Variants in ZNF827 observed in about 807,000 individuals in gnomAD.
ZNF827 encodes the protein zinc finger protein 827.
In ZNF827, 13 loss-of-function variants were observed where a neutral mutation model predicts 102.4. That is an observed-to-expected ratio of 0.13 (90% CI 0.08 to 0.20). The LOEUF is 0.20. Ranked by LOEUF, ZNF827 falls within the 10% of genes least tolerant of loss-of-function variation. ZNF827 has a pLI of 1.00. For synonymous variants in ZNF827, 523 were observed against 536.2 expected (o/e 0.98, Z 0.34); for missense variants, 1,103 against 1,344.4 (o/e 0.82, Z 2.81).
rs1459515380 is a variant in ZNF827, at chr4:145,765,255, G to A, written c.3053-90C>T. 36 of 1,376,998 alleles carry A rather than the reference G, an allele frequency of 2.6e-5. No individual in the cohort carries two copies. The highest frequency in any genetic ancestry group is 7.7e-5 in the Admixed American group (3 of 38,844). The allele number at this position is 1,376,998 out of a possible 1,614,324, so 85.3% of individuals were successfully genotyped here. On this transcript the variant is annotated intron_variant, in intron 12 of 14. Coordinates refer to ENST00000508784, the MANE Select transcript of ZNF827 (RefSeq NM_001306215.2). This position sits in a 1 kb window ranked among gnomAD's most constrained non-coding sequence, Gnocchi z 4.7. ...GCCAAGCTCCTCCCCACTTCCTCCC[G>A]CCTCCTCCGACGCCTGACAGCTATA... is the stretch of plus-strand genomic sequence containing the variant.
At chr4:145,844,364 G>T (rs1374420803) in intron 7 of ZNF827, among the ~76,000 whole-genome samples, 1 of 151,550 alleles carries the variant, frequency 6.6e-6, no homozygotes, top group African/African-American at 2.4e-5. Flanking sequence ...TTAGAACGAG[G>T]TTCCTCTCCC....
intron 1 of ZNF827, among the ~76,000 whole-genome samples, chr4:145,924,304 A>C (rs759425151): frequency 1.7e-4 from 26 of 152,244 alleles, no homozygotes; most frequent in Non-Finnish European, 3.5e-4. Context: ...AAACAAGTTC[A>C]ATAGCATTAA....
Position 145,779,307 on chromosome 4 carries a change from T to C in ZNF827, c.2521+67A>G, listed in dbSNP as rs113239149. The stretch of plus-strand genomic sequence containing the variant: ...TAATGCCTCTCTTAGAGAAACTCAG[T>C]TTCCGGAGAGTAAAGAAGTTGGTGA... On this transcript the variant is annotated intron_variant, in intron 9 of 14. Transcript: ENST00000508784. 2.5e-4 allele frequency: 394 copies of C among 1,552,138 alleles called. 1 individual carries two copies. In the African/African-American group the frequency reaches 4.8e-3, roughly 19 times the overall value.
rs1275853629 is a variant in ZNF827, at chr4:145,918,397, G to A, written c.44-15182C>T. Among the ~76,000 whole-genome samples, 17 of 134,350 alleles carry A rather than the reference G, an allele frequency of 1.3e-4. 1 individual carries two copies. In the Admixed American group the frequency reaches 1.3e-3, roughly 10 times the overall value. The allele number at this position is 134,350 out of a possible 152,430, so 88.1% of individuals were successfully genotyped here. A position where few individuals can be genotyped will look rare whatever the true frequency, so the allele number is the denominator to read the frequency against. On this transcript the variant is annotated intron_variant, in intron 1 of 14. Coordinates refer to ENST00000508784, the MANE Select transcript of ZNF827 (RefSeq NM_001306215.2). The stretch of plus-strand genomic sequence containing the variant: ...TGCAGACTTCTGCTCTCCAGAACAG[G>A]TACTTTTTCTTTATATATAAAAAAA...
intron 8 of ZNF827, among the ~76,000 whole-genome samples, chr4:145,807,338 T>C (rs912791532): frequency 4.1e-4 from 62 of 152,220 alleles, no homozygotes; most frequent in African/African-American, 1.1e-3. Context: ...TTTTTCTTTA[T>C]AGAAGTGTTT....
chr4:145,795,972 A>T (rs550836377), intron 8 of ZNF827, among the ~76,000 whole-genome samples: 17 of 152,344 alleles, frequency 1.1e-4, no homozygotes, highest in African/African-American at 4.1e-4. Context: ...CCACATAGTT[A>T]AACGATCGTG....
In ZNF827 at chr4:145,849,502, T is replaced by G; in HGVS notation, c.2041A>C (p.Ile681Leu). Residue 681 changes from isoleucine to leucine, a missense_variant, in exon 6 of 15, where the codon ATC becomes CTC. By Grantham distance (5) the Ile-to-Leu change is conservative. This residue lies in a region of ZNF827 where 243 missense variants were observed against 251.6 expected (regional missense o/e 0.97). Transcript: ENST00000508784. ...GATATCGAGACATGGGAGTCCTGGA[T>G]GTCAACCTCCATGGGTTCCTCTTTA... ...KIKEEPMEVD[I>L]QDSHVSISPS... 1 of 1,614,214 alleles carries G rather than the reference T, an allele frequency of 6.2e-7. No individual in the cohort carries two copies. Among genetic ancestry groups the G allele is most frequent in the African/African-American group, 1.3e-5 (1 of 75,058 alleles).
chr4:145,837,503 T>C (rs1406671619), intron 7 of ZNF827, among the ~76,000 whole-genome samples: 8 of 152,092 alleles, frequency 5.3e-5, no homozygotes, highest in African/African-American at 1.7e-4. Context: ...TCCCTACTAT[T>C]TTCTGTCTAG....
chr4:145,793,952 A>C (rs564931924), intron 8 of ZNF827, among the ~76,000 whole-genome samples: 1 of 152,234 alleles, frequency 6.6e-6, no homozygotes, highest in East Asian at 1.9e-4. Flanking sequence ...ACTGGGGGGA[A>C]GTCAGTCTCA....
At chr4:145,816,541 C>A (rs1466975488) in intron 8 of ZNF827, among the ~76,000 whole-genome samples, 2 of 152,194 alleles carry the variant, frequency 1.3e-5, no homozygotes, top group Admixed American at 6.5e-5. Context: ...CTGACAGTGC[C>A]TAATGAAAGA....
intron 5 of ZNF827, among the ~76,000 whole-genome samples, chr4:145,855,858 G>A (rs1286633202): frequency 6.6e-6 from 1 of 152,152 alleles, no homozygotes; most frequent in Non-Finnish European, 1.5e-5. Flanking sequence ...GAGATACCTT[G>A]TATCTCCATC....
intron 1 of ZNF827, among the ~76,000 whole-genome samples, chr4:145,913,235 G>C (rs1217147196): frequency 6.6e-6 from 1 of 151,994 alleles, no homozygotes; most frequent in Non-Finnish European, 1.5e-5. Flanking sequence ...AGACCAGCCT[G>C]GGTAATATGG....
At chr4:145,868,893 C>A (rs781612511) in intron 5 of ZNF827, among the ~76,000 whole-genome samples, 20 of 152,144 alleles carry the variant, frequency 1.3e-4, no homozygotes, top group Non-Finnish European at 8.8e-5. Context: ...AGCTATGTGA[C>A]CTCTTTGAAT....
intron 11 of ZNF827, among the ~76,000 whole-genome samples, chr4:145,771,765 C>T (rs541393081): frequency 7.4e-4 from 113 of 152,268 alleles, no homozygotes; most frequent in Non-Finnish European, 1.2e-3. Context: ...AAACAAAATG[C>T]GTGCTGTTGA....
At chr4:145,870,589 G>A (rs1579432012) in intron 4 of ZNF827, 111 bp from the exon 5 acceptor site, 2 of 953,364 alleles carry the variant, frequency 2.1e-6, no homozygotes, top group East Asian at 5.2e-5. Flanking sequence ...CTAACAACCG[G>A]AGGGATCACA....
In ZNF827 at chr4:145,761,917, C is replaced by T. The variant is rs1403991352; in HGVS notation, c.*18-319G>A. ...CAGGAATCAATTTGCTGGTGCTCCC[C>T]TCCAGCCCCCGCCCGGCCCCTCGGA... is the stretch of plus-strand genomic sequence containing the variant. On this transcript the variant is annotated intron_variant, in intron 14 of 14. Coordinates refer to ENST00000508784, the MANE Select transcript of ZNF827 (RefSeq NM_001306215.2). The surrounding 1 kb of genome is among the most constrained non-coding windows in gnomAD (Gnocchi z 6.8). Among the ~76,000 whole-genome samples, 4 of 152,222 alleles carry T rather than the reference C, an allele frequency of 2.6e-5. No homozygotes were observed. The highest frequency in any genetic ancestry group is 7.2e-5 in the African/African-American group (3 of 41,462).
chr4:145,871,491 C>T (rs898720118), intron 4 of ZNF827, among the ~76,000 whole-genome samples: 2 of 152,174 alleles, frequency 1.3e-5, no homozygotes, highest in African/African-American at 4.8e-5. Flanking sequence ...CAAGCACCCT[C>T]TTCCTACTAC....
chr4:145,873,905 G>C (rs972678763), intron 4 of ZNF827, among the ~76,000 whole-genome samples: 1 of 152,098 alleles, frequency 6.6e-6, no homozygotes, highest in Non-Finnish European at 1.5e-5. Flanking sequence ...CTGTGTCTTT[G>C]ATTCTTTGAG....
chr4:145,903,278 T>G (rs769324277), intron 1 of ZNF827, 63 bp from the exon 2 acceptor site: 8 of 1,522,500 alleles, frequency 5.3e-6, no homozygotes, highest in Non-Finnish European at 7.0e-6. Context: ...TCTCAAGACA[T>G]TCAAATGGAG....
Sources: gnomAD v4.1 joint callset for allele counts (sites outside exome capture counted in the v4.1 genomes callset) on GRCh38, gnomAD v4.1.1 for gene constraint, gnomAD v4.1.1 regional missense constraint, Gnocchi (gnomAD v3.1) non-coding constraint, MANE v1.5 for transcripts, NCBI Gene and HGNC (gene_info 2026-07-23, HGNC 2026-07-21) for gene names.